Variants in CACNB2 observed in about 807,000 individuals in gnomAD.
CACNB2 encodes the protein voltage-dependent L-type calcium channel subunit beta-2.
In CACNB2, 42 loss-of-function variants were observed where a neutral mutation model predicts 73.3. The observed-to-expected ratio is 0.57, with a 90% CI of 0.45 to 0.74. The LOEUF is 0.74. CACNB2 is among the 30% of genes least tolerant of loss of function. The probability of loss-of-function intolerance (pLI) is 0.00; values close to 1 mark genes in which losing one functional copy is unlikely to be tolerated. For missense variants in CACNB2, 940 were observed against 853.0 expected, an observed-to-expected ratio of 1.10 and a Z score of -1.27; for synonymous variants, 348 against 310.3, an observed-to-expected ratio of 1.12 and a Z score of -1.28.
rs530492237 is a variant in CACNB2 at position 18,327,430 on chromosome 10, TTTTA to T, written c.214-74490_214-74487del. Among the ~76,000 whole-genome samples, 75 of 152,220 alleles carry T rather than the reference TTTTA, an allele frequency of 4.9e-4. 1 individual carries two copies. The highest frequency in any genetic ancestry group is 1.6e-3 in the African/African-American group (67 of 41,528). On this transcript the variant is annotated intron_variant, in intron 2 of 13. Transcript: ENST00000324631. ...CGGTCATTTTTGTTTGTTTGTTTGTTTTTATTTGTTTTGAGACGGAGTCTCCCTC... is the reference window on the plus strand; with the variant it reads ...CGGTCATTTTTGTTTGTTTGTTTGTTTTTGTTTTGAGACGGAGTCTCCCTC...
At chr10:18,186,001 T>C (rs1021974097) in intron 2 of CACNB2, among the ~76,000 whole-genome samples, 1 of 152,166 alleles carries the variant, frequency 6.6e-6, no homozygotes, top group Non-Finnish European at 1.5e-5. Flanking sequence ...AAGCTTCTTT[T>C]AGTTGACATG....
intron 2 of CACNB2, among the ~76,000 whole-genome samples, chr10:18,216,971 A>G (rs1280014020): frequency 6.6e-6 from 1 of 152,244 alleles, no homozygotes; most frequent in Non-Finnish European, 1.5e-5. Context: ...TTTTCTAGCA[A>G]TAACCCAGAG....
At chr10:18,435,709 A>G (rs2046099115) in intron 3 of CACNB2, among the ~76,000 whole-genome samples, 1 of 152,088 alleles carries the variant, frequency 6.6e-6, no homozygotes, top group Non-Finnish European at 1.5e-5. Flanking sequence ...CATGTTGCCC[A>G]GGCTGGTCTC....
intron 2 of CACNB2, among the ~76,000 whole-genome samples, chr10:18,194,701 G>T (rs535927041): frequency 2.8e-4 from 43 of 152,328 alleles, no homozygotes; most frequent in Non-Finnish European, 5.7e-4. Flanking sequence ...TGAAAGATGA[G>T]AATTGGAGTC....
At position 18,140,568 on chromosome 10, in the gene CACNB2, G is replaced by C; in HGVS notation, c.-169G>C. The C allele has an allele frequency of 2.3e-6, 1 of 441,774 alleles. No homozygotes were observed. The allele number at this position is 441,774 out of a possible 1,614,324, so 27.4% of individuals were successfully genotyped here. On this transcript the variant is annotated 5_prime_UTR_variant, in exon 1 of 14. Transcript: ENST00000324631. Reference sequence around the variant, plus strand: ...GCCCCGTCCCGCGCACTGAGCGCCTGGCAGCAGGGCGCCGAGTCCCGGGGC... The same window carrying C: ...GCCCCGTCCCGCGCACTGAGCGCCTCGCAGCAGGGCGCCGAGTCCCGGGGC...
At chr10:18,480,531 G>C (rs1271494090) in intron 3 of CACNB2, among the ~76,000 whole-genome samples, 1 of 152,198 alleles carries the variant, frequency 6.6e-6, no homozygotes, top group South Asian at 2.1e-4. Flanking sequence ...GTCTTGTTGA[G>C]TTCTGTGTTC....
chr10:18,532,734 A>G (rs1014188926), intron 10 of CACNB2, among the ~76,000 whole-genome samples: 2 of 151,556 alleles, frequency 1.3e-5, no homozygotes, highest in Non-Finnish European at 2.9e-5. Flanking sequence ...AAACAAAAAA[A>G]CCCACATATT....
intron 2 of CACNB2, among the ~76,000 whole-genome samples, chr10:18,283,050 G>A (rs2038621766): frequency 6.6e-6 from 1 of 152,202 alleles, no homozygotes; most frequent in Non-Finnish European, 1.5e-5. Context: ...CATTTATGCA[G>A]CCAACAGACA....
At chr10:18,492,641 A>G (rs1246757461) in intron 3 of CACNB2, among the ~76,000 whole-genome samples, 1 of 150,298 alleles carries the variant, frequency 6.7e-6, no homozygotes, top group African/African-American at 2.5e-5. Flanking sequence ...AAAAAAAAGA[A>G]AAAAAGAAAA....
intron 3 of CACNB2, among the ~76,000 whole-genome samples, chr10:18,496,643 T>A (rs1361196758): frequency 6.6e-6 from 1 of 151,534 alleles, no homozygotes; most frequent in East Asian, 2.0e-4. Context: ...TGAAACGCCA[T>A]CTCTACTAAA....
At chr10:18,169,646 G>A (rs148981525) in intron 2 of CACNB2, among the ~76,000 whole-genome samples, 1 of 152,258 alleles carries the variant, frequency 6.6e-6, no homozygotes, top group Non-Finnish European at 1.5e-5. Context: ...TTCATACTAG[G>A]TAGCGGAGAT....
At chr10:18,401,256 T>G (rs2043981099) in intron 2 of CACNB2, among the ~76,000 whole-genome samples, 1 of 152,166 alleles carries the variant, frequency 6.6e-6, no homozygotes, top group Admixed American at 6.5e-5. Context: ...TTTTTTGAGC[T>G]CCTTTTCCTA....
At chr10:18,453,825 T>A (rs1160976488) in intron 3 of CACNB2, among the ~76,000 whole-genome samples, 1 of 152,170 alleles carries the variant, frequency 6.6e-6, no homozygotes, top group Non-Finnish European at 1.5e-5. Context: ...GAGACCAGGT[T>A]TCACCCTGTT....
rs370475450 is a variant in CACNB2, at chr10:18,539,477, T to G, written c.1736T>G (p.Val579Gly). ...EPKEDYSHDH[V>G]DHYASHRDHN... ...AAGGAAGATTATTCCCATGACCACG[T>G]GGACCACTATGCCTCACACCGTGAC... The change falls in exon 14 of 14, where the codon GTG (valine) becomes GGG (glycine). Residue 579 changes from valine (V) to glycine (G), a missense_variant. Physicochemically the swap from Val to Gly is moderately radical, Grantham distance 109 (BLOSUM62 -3). Transcript: ENST00000324631. The G allele has an allele frequency of 1.1e-4, 175 of 1,613,794 alleles. No homozygotes were observed. The highest frequency in any genetic ancestry group is 1.4e-4 in the Non-Finnish European group (169 of 1,179,976).
In CACNB2 at chr10:18,190,265, G is replaced by A. The variant is rs117094643; in HGVS notation, c.213+39290G>A. Among the ~76,000 whole-genome samples, 61 of 152,254 alleles carry A rather than the reference G, an allele frequency of 4.0e-4. No individual in the cohort carries two copies. In the East Asian group the frequency reaches 0.011, roughly 28 times the overall value. On this transcript the variant is annotated intron_variant, in intron 2 of 13. Transcript: ENST00000324631. ...CATCCAGTAATACAGATACAATAACGTAGGTTTTCTCAGATACAGAGGGTT... is the reference window on the plus strand; with the variant it reads ...CATCCAGTAATACAGATACAATAACATAGGTTTTCTCAGATACAGAGGGTT...
intron 9 of CACNB2, among the ~76,000 whole-genome samples, chr10:18,521,729 C>T (rs2051904486): frequency 6.6e-6 from 1 of 152,094 alleles, no homozygotes; most frequent in Admixed American, 6.6e-5. Flanking sequence ...GACTAGAGTC[C>T]AAAATGGAAA....
chr10:18,361,612 CTT>C (rs56220879), intron 2 of CACNB2, among the ~76,000 whole-genome samples: 6 of 125,422 alleles, frequency 4.8e-5, no homozygotes, highest in African/African-American at 8.8e-5. Context: ...AGGTAAAATT[CTT>C]TTTTTTTTTT....
At chr10:18,455,494 G>T (rs1009589839) in intron 3 of CACNB2, among the ~76,000 whole-genome samples, 1 of 152,214 alleles carries the variant, frequency 6.6e-6, no homozygotes, top group Non-Finnish European at 1.5e-5. Context: ...GGTTAATTCT[G>T]TTGGGAACAC....
At chr10:18,411,368 G>C (rs1042618959) in intron 3 of CACNB2, among the ~76,000 whole-genome samples, 1 of 152,034 alleles carries the variant, frequency 6.6e-6, no homozygotes. Flanking sequence ...TGGTACTGTC[G>C]TTCTTCCACT....
Sources: allele counts gnomAD v4.1 joint callset (sites outside exome capture counted in the v4.1 genomes callset), GRCh38; gene constraint gnomAD v4.1.1; transcripts MANE v1.5; gene names NCBI Gene and HGNC (gene_info 2026-07-23, HGNC 2026-07-21).